The following PTPRN2 variants were observed in gnomAD, a reference collection of about 807,000 sequenced individuals.
PTPRN2 encodes the protein receptor-type tyrosine-protein phosphatase N2.
Under a neutral mutation model 118.8 loss-of-function variants are expected in PTPRN2, and 74 were observed. The ratio of observed to expected loss-of-function variants is 0.62; its 90% CI spans 0.52 to 0.76. The LOEUF (loss-of-function observed/expected upper bound fraction) is 0.76, where lower values mean the gene tolerates loss of function less well. PTPRN2 is among the 30% of genes least tolerant of loss of function. The probability of loss-of-function intolerance (pLI) is 0.00; values close to 1 mark genes in which losing one functional copy is unlikely to be tolerated. For missense variants in PTPRN2, 1,481 were observed against 1,394.4 expected (o/e 1.06, Z -0.99); for synonymous variants, 641 against 608.0 (o/e 1.05, Z -0.80).
chr7:158,034,576 T>C (rs976657629), intron 11 of PTPRN2, among the ~76,000 whole-genome samples: 4 of 152,220 alleles, frequency 2.6e-5, no homozygotes, highest in East Asian at 1.9e-4. Flanking sequence ...CACATGGAAC[T>C]GTAAGTCCAT....
chr7:158,401,257 C>A (rs1446545444), intron 2 of PTPRN2, among the ~76,000 whole-genome samples: 1 of 152,230 alleles, frequency 6.6e-6, no homozygotes, highest in East Asian at 1.9e-4. Context: ...TGTATGGAGG[C>A]TCCATCCCCT....
intron 2 of PTPRN2, among the ~76,000 whole-genome samples, chr7:158,348,553 G>A (rs796666501): frequency 1.8e-4 from 27 of 152,188 alleles, no homozygotes; most frequent in African/African-American, 6.3e-4. Flanking sequence ...TATGCCCCAC[G>A]TGAGTCTGTG....
At chr7:157,662,508 G>A (rs1432940055) in intron 13 of PTPRN2, among the ~76,000 whole-genome samples, 1 of 152,210 alleles carries the variant, frequency 6.6e-6, no homozygotes, top group African/African-American at 2.4e-5. Flanking sequence ...GGCGTTCGTG[G>A]GAAGGGGTGC....
chr7:157,826,778 C>T (rs985424801), intron 12 of PTPRN2, among the ~76,000 whole-genome samples: 5 of 152,120 alleles, frequency 3.3e-5, no homozygotes, highest in African/African-American at 1.2e-4. Flanking sequence ...ACCATGGCAT[C>T]CCAGAGGGTG....
chr7:157,885,358 C>A (rs1335857379), intron 12 of PTPRN2, among the ~76,000 whole-genome samples: 1 of 152,186 alleles, frequency 6.6e-6, no homozygotes, highest in African/African-American at 2.4e-5. Flanking sequence ...GGGCATTGGA[C>A]ACAATGCATC....
rs1461992806 is a variant in PTPRN2 at position 157,929,385 on chromosome 7, C to T, written c.1724-30648G>A. Among the ~76,000 whole-genome samples the T allele has an allele frequency of 6.6e-6, 1 of 152,114 alleles. No homozygotes were observed. The highest frequency in any genetic ancestry group is 2.4e-5 in the African/African-American group (1 of 41,410). On this transcript the variant is annotated intron_variant, in intron 11 of 22. Coordinates refer to ENST00000389418, the MANE Select transcript of PTPRN2 (RefSeq NM_002847.5). This position sits in a 1 kb window ranked among gnomAD's most constrained non-coding sequence, Gnocchi z 4.4. ...ACTCCTCTGTGGGTTCCTGCAGCAC[C>T]GGGAGACCCTGGCGCGACTCCTGAG...
chr7:158,149,575 G>A (rs1255778589), intron 6 of PTPRN2, among the ~76,000 whole-genome samples: 3 of 152,136 alleles, frequency 2.0e-5, no homozygotes, highest in Admixed American at 6.5e-5. Flanking sequence ...GTCCGAGGTG[G>A]GTGGATCACC....
chr7:157,887,369 G>C (rs73745004), intron 12 of PTPRN2, among the ~76,000 whole-genome samples: 2,870 of 151,922 alleles, frequency 0.019, 76 homozygotes, highest in African/African-American at 0.062. Context: ...ATAAAATAGA[G>C]TGACAGTGCA....
intron 4 of PTPRN2, among the ~76,000 whole-genome samples, chr7:158,197,375 C>T (rs950475111): frequency 2.6e-5 from 4 of 152,164 alleles, no homozygotes; most frequent in African/African-American, 9.7e-5. Flanking sequence ...GAACTCATTA[C>T]AAATTTCCCA....
intron 1 of PTPRN2, among the ~76,000 whole-genome samples, chr7:158,504,381 C>T (rs545030996): frequency 1.6e-4 from 24 of 152,064 alleles, no homozygotes; most frequent in African/African-American, 5.1e-4. Flanking sequence ...CAGTCTGTGT[C>T]GTTCCCCCCC....
At chr7:158,169,014 T>C (rs1823281669) in intron 5 of PTPRN2, among the ~76,000 whole-genome samples, 1 of 152,198 alleles carries the variant, frequency 6.6e-6, no homozygotes, top group Non-Finnish European at 1.5e-5. Context: ...TCCCATCCGT[T>C]CATATTTTCT....
chr7:158,511,434 G>A (rs985322847), intron 1 of PTPRN2, among the ~76,000 whole-genome samples: 1 of 152,212 alleles, frequency 6.6e-6, no homozygotes, highest in Non-Finnish European at 1.5e-5. Context: ...ACGGCTCACA[G>A]AGGGGCTTTT....
chr7:158,134,068 G>A lies in PTPRN2; in HGVS notation c.1174-9C>T, dbSNP rs760541595. ...GCACTCAGACGATGGACCTGACAGA[G>A]AGGACATTCCGTGAGGGACGTCTGC... On this transcript the variant is annotated splice_polypyrimidine_tract_variant and intron_variant, in intron 8 of 22. Transcript: ENST00000389418. The A allele has an allele frequency of 5.0e-6, 8 of 1,609,586 alleles. No individual in the cohort carries two copies. The highest frequency in any genetic ancestry group is 3.3e-5 in the South Asian group (3 of 90,786).
intron 12 of PTPRN2, among the ~76,000 whole-genome samples, chr7:157,846,100 G>A (rs80236457): frequency 0.021 from 3,224 of 152,154 alleles, 46 homozygotes; most frequent in Non-Finnish European, 0.035. Flanking sequence ...TGAGCCACCC[G>A]CCAGGAAGCG....
intron 2 of PTPRN2, among the ~76,000 whole-genome samples, chr7:158,382,153 G>C (rs1161459263): frequency 6.6e-6 from 1 of 152,162 alleles, no homozygotes; most frequent in African/African-American, 2.4e-5. Flanking sequence ...GGTCCACCCT[G>C]GTGGGCATAC....
At chr7:158,299,055 A>T (rs1800692053) in intron 3 of PTPRN2, among the ~76,000 whole-genome samples, 1 of 152,186 alleles carries the variant, frequency 6.6e-6, no homozygotes, top group Non-Finnish European at 1.5e-5. Flanking sequence ...CTCCCTGCAG[A>T]CACTAATGGA....
At chr7:158,269,804 G>C (rs1247602324) in intron 3 of PTPRN2, among the ~76,000 whole-genome samples, 1 of 151,372 alleles carries the variant, frequency 6.6e-6, no homozygotes, top group Non-Finnish European at 1.5e-5. Flanking sequence ...AGCAGGAGAG[G>C]GACAGAGACA....
rs920681942 is a variant in PTPRN2 at position 158,526,295 on chromosome 7, C to T, written c.113-36510G>A. Among the ~76,000 whole-genome samples the T allele has an allele frequency of 6.6e-6, 1 of 152,154 alleles. No individual in the cohort carries two copies. The highest frequency in any genetic ancestry group is 2.4e-5 in the African/African-American group (1 of 41,438). ...CACCTGTGGCGGCGAAGGGAACTGACACCACTCCTTCCCGGTGAGCTCGGC... is the reference window on the plus strand; with the variant it reads ...CACCTGTGGCGGCGAAGGGAACTGATACCACTCCTTCCCGGTGAGCTCGGC... On this transcript the variant is annotated intron_variant, in intron 1 of 22. Transcript: ENST00000389418. The surrounding 1 kb of genome is among the most constrained non-coding windows in gnomAD (Gnocchi z 5.2).
At position 158,040,736 on chromosome 7, in the gene PTPRN2, C is replaced by CTTTTTTTTTTTTTTTTTTTTT. The variant is rs58192875; in HGVS notation, c.1723+40561_1723+40562insAAAAAAAAAAAAAAAAAAAAA. Among the ~76,000 whole-genome samples the CTTTTTTTTTTTTTTTTTTTTT allele has an allele frequency of 7.0e-5, 10 of 142,200 alleles. 2 individuals carry two copies. The highest frequency in any genetic ancestry group is 9.1e-5 in the Non-Finnish European group (6 of 65,912). 93.3% of individuals were successfully genotyped at this position (142,200 alleles called of 152,430 possible). A position where few individuals can be genotyped will look rare whatever the true frequency, so the allele number is the denominator to read the frequency against. Reference sequence around the variant, plus strand: ...TTGATCTGCCTTTCTTTTTTTCTTTCTTTTTTTTTTTTTTGAGATGGAATC... The same window carrying CTTTTTTTTTTTTTTTTTTTTT: ...TTGATCTGCCTTTCTTTTTTTCTTTCTTTTTTTTTTTTTTTTTTTTTTTTTTTTTTTTTTTGAGATGGAATC... On this transcript the variant is annotated intron_variant, in intron 11 of 22. Coordinates refer to ENST00000389418, the MANE Select transcript of PTPRN2 (RefSeq NM_002847.5).
Sources: gnomAD v4.1 joint callset for allele counts (sites outside exome capture counted in the v4.1 genomes callset) on GRCh38, gnomAD v4.1.1 for gene constraint, Gnocchi (gnomAD v3.1) non-coding constraint, MANE v1.5 for transcripts, NCBI Gene and HGNC (gene_info 2026-07-23, HGNC 2026-07-21) for gene names.